DENND5B: variants seen among roughly 807,000 people sequenced by gnomAD.
The protein encoded by DENND5B is DENN domain containing 5B.
A neutral mutation model predicts 140.6 loss-of-function variants in DENND5B; 34 were observed. The observed-to-expected ratio is 0.24, with a 90% CI of 0.18 to 0.32. The LOEUF (loss-of-function observed/expected upper bound fraction) is 0.32. Among genes scored for constraint, DENND5B ranks in the 10% least tolerant of loss-of-function variants. DENND5B has a pLI of 1.00. For synonymous variants in DENND5B, 551 were observed against 562.1 expected (o/e 0.98, Z 0.28); for missense variants, 1,142 against 1,560.2 (o/e 0.73, Z 4.52).
chr12:31,565,317 C>T (rs1949589411), intron 1 of DENND5B, among the ~76,000 whole-genome samples: 1 of 152,082 alleles, frequency 6.6e-6, no homozygotes, highest in Non-Finnish European at 1.5e-5. Flanking sequence ...TCGCTTGAGC[C>T]CAGGAGGCAG....
At chr12:31,583,433 T>G (rs1454078087) in intron 1 of DENND5B, among the ~76,000 whole-genome samples, 1 of 151,876 alleles carries the variant, frequency 6.6e-6, no homozygotes, top group East Asian at 1.9e-4. Flanking sequence ...TCCTAGCACT[T>G]TGGGAGGCCG....
At chr12:31,544,500 G>A (rs1413394505) in intron 1 of DENND5B, among the ~76,000 whole-genome samples, 1 of 152,096 alleles carries the variant, frequency 6.6e-6, no homozygotes, top group Non-Finnish European at 1.5e-5. Flanking sequence ...GCCCAGGCTG[G>A]TCTCGAGGTC....
intron 1 of DENND5B, among the ~76,000 whole-genome samples, chr12:31,518,393 GA>G (rs1947753257): frequency 6.6e-6 from 1 of 152,136 alleles, no homozygotes; most frequent in Non-Finnish European, 1.5e-5. Flanking sequence ...GCTGAGGCTT[GA>G]ATTAAGAGTC....
At chr12:31,454,983 TA>T in intron 4 of DENND5B, among the ~76,000 whole-genome samples, 1 of 151,912 alleles carries the variant, frequency 6.6e-6, no homozygotes, top group East Asian at 1.9e-4. Context: ...CACGCCCGGC[TA>T]ATTTTTTTTG....
intron 14 of DENND5B, 57 bp downstream of exon 14, chr12:31,409,206 T>C: frequency 4.1e-6 from 6 of 1,478,656 alleles, no homozygotes; most frequent in South Asian, 1.4e-5. Context: ...AAAATATAAA[T>C]GCTTTTATTG....
chr12:31,415,700 T>G (rs1015875673), intron 11 of DENND5B, among the ~76,000 whole-genome samples: 3 of 152,084 alleles, frequency 2.0e-5, no homozygotes, highest in African/African-American at 7.2e-5. Flanking sequence ...CCTCCCAACT[T>G]AGCCCTGTCC....
In DENND5B at chr12:31,480,188, A is replaced by C; in HGVS notation, c.305T>G (p.Phe102Cys). The C allele has an allele frequency of 6.2e-7, 1 of 1,603,204 alleles. No individual in the cohort carries two copies. The highest frequency in any genetic ancestry group is 8.5e-7 in the Non-Finnish European group (1 of 1,174,718). Residue 102 changes from phenylalanine to cysteine, a missense_variant, in exon 3 of 21, where the codon TTT becomes TGT. By Grantham distance (205) the Phe-to-Cys change is radical (BLOSUM62 -2). Transcript: ENST00000389082. Reference protein sequence around the residue: ...TDNKDPQFHSFIITREDGSRT... With the variant: ...TDNKDPQFHSCIITREDGSRT... ...AGAACCATCTTCCCTGGTAATTATA[A>C]ATGAGTGAAACTGGGGGTCTTTATT... is the stretch of plus-strand genomic sequence containing the variant.
intron 1 of DENND5B, among the ~76,000 whole-genome samples, chr12:31,510,338 T>C (rs550861524): frequency 9.2e-5 from 14 of 152,280 alleles, no homozygotes; most frequent in Middle Eastern, 6.8e-3. Context: ...TTCTTTGAGA[T>C]GGAGTCTCCC....
intron 11 of DENND5B, among the ~76,000 whole-genome samples, chr12:31,415,983 G>A (rs1942718247): frequency 6.6e-6 from 1 of 151,820 alleles, no homozygotes; most frequent in South Asian, 2.1e-4. Context: ...TTACAGGCAT[G>A]CACCACCACA....
At chr12:31,557,200 A>T (rs1190057089) in intron 1 of DENND5B, among the ~76,000 whole-genome samples, 6 of 149,738 alleles carry the variant, frequency 4.0e-5, no homozygotes, top group Admixed American at 2.0e-4. Context: ...AATATATATT[A>T]AAGTTAATTA....
intron 8 of DENND5B, among the ~76,000 whole-genome samples, chr12:31,430,668 A>G (rs1943472110): frequency 6.6e-6 from 1 of 152,118 alleles, no homozygotes; most frequent in African/African-American, 2.4e-5. Context: ...TCAAAAACAA[A>G]CAAAAAATTA....
At chr12:31,586,108 A>C (rs1187937440) in intron 1 of DENND5B, among the ~76,000 whole-genome samples, 1 of 152,188 alleles carries the variant, frequency 6.6e-6, no homozygotes, top group Non-Finnish European at 1.5e-5. Flanking sequence ...CCATTGCTCA[A>C]AAGATTGACT....
At chr12:31,587,509 T>C (rs2139527511) in intron 1 of DENND5B, among the ~76,000 whole-genome samples, 1 of 139,790 alleles carries the variant, frequency 7.2e-6, no homozygotes, top group Admixed American at 7.3e-5. Context: ...GCCAACAACT[T>C]CTCTCACCAC....
intron 1 of DENND5B, among the ~76,000 whole-genome samples, chr12:31,575,818 T>C (rs548612354): frequency 2.3e-4 from 35 of 152,002 alleles, no homozygotes; most frequent in Non-Finnish European, 4.7e-4. Context: ...ACCAGGCACA[T>C]AGCAGGGCAC....
chr12:31,492,138 T>C (rs1220173859), intron 2 of DENND5B, among the ~76,000 whole-genome samples: 1 of 152,188 alleles, frequency 6.6e-6, no homozygotes, highest in African/African-American at 2.4e-5. Context: ...ATAAAAAAAA[T>C]GCTATGTGGT....
intron 1 of DENND5B, among the ~76,000 whole-genome samples, chr12:31,562,380 C>A (rs541397986): frequency 2.7e-4 from 41 of 152,284 alleles, no homozygotes; most frequent in African/African-American, 9.1e-4. Flanking sequence ...GAGGCCGAGG[C>A]AGGCGGATCA....
At chr12:31,416,003 T>A (rs957127676) in intron 11 of DENND5B, among the ~76,000 whole-genome samples, 6 of 151,494 alleles carry the variant, frequency 4.0e-5, no homozygotes, top group Admixed American at 4.0e-4. Flanking sequence ...ACCTGGCTAA[T>A]TTTTTGTATT....
At chr12:31,515,290 G>C (rs1166009990) in intron 1 of DENND5B, among the ~76,000 whole-genome samples, 2 of 152,178 alleles carry the variant, frequency 1.3e-5, no homozygotes, top group African/African-American at 4.8e-5. Context: ...GGGTGACAGA[G>C]TGAGACCCCA....
chr12:31,583,110 G>A (rs1950261989), intron 1 of DENND5B, among the ~76,000 whole-genome samples: 1 of 152,046 alleles, frequency 6.6e-6, no homozygotes, highest in Non-Finnish European at 1.5e-5. Flanking sequence ...TGATCAACAT[G>A]GTGAAACCCC....
Sources: gnomAD v4.1 joint callset for allele counts (sites outside exome capture counted in the v4.1 genomes callset) on GRCh38, gnomAD v4.1.1 for gene constraint, MANE v1.5 for transcripts, NCBI Gene and HGNC (gene_info 2026-07-23, HGNC 2026-07-21) for gene names.